TMPRSS15: variants seen among roughly 807,000 people sequenced by gnomAD.
TMPRSS15 encodes the protein transmembrane serine protease 15.
A neutral mutation model predicts 125.3 loss-of-function variants in TMPRSS15; 128 were observed. The ratio of observed to expected loss-of-function variants is 1.02; its 90% confidence interval spans 0.89 to 1.18. TMPRSS15 has a LOEUF of 1.18. TMPRSS15 is among the 50% of genes most tolerant of loss of function. The probability of loss-of-function intolerance (pLI) is 0.00; values close to 1 mark genes in which losing one functional copy is unlikely to be tolerated. For missense variants in TMPRSS15, 1,283 were observed against 1,212.7 expected (o/e 1.06, Z -0.86); for synonymous variants, 446 against 423.2 (o/e 1.05, Z -0.66).
intron 1 of TMPRSS15, among the ~76,000 whole-genome samples, chr21:18,430,192 A>G (rs73325962): frequency 0.021 from 3,138 of 152,302 alleles, 137 homozygotes; most frequent in African/African-American, 0.071. Flanking sequence ...TTAGATGTGT[A>G]TCAATGCTGG....
In TMPRSS15 at chr21:18,305,344, G is replaced by A. The variant is rs377352146; in HGVS notation, c.2166-7515C>T. Among the ~76,000 whole-genome samples the A allele has an allele frequency of 9.2e-3, 1,387 of 151,532 alleles. 17 individuals are homozygous for A. The highest frequency in any genetic ancestry group is 0.029 in the African/African-American group (1,191 of 41,278). On this transcript the variant is annotated intron_variant, in intron 18 of 24. Coordinates refer to ENST00000284885, the MANE Select transcript of TMPRSS15 (RefSeq NM_002772.3). ...GCTGGGACTACAGGCGCCCGCCACC[G>A]CGCCCGGCTAATTTTTTGTATTTTT...
rs1424958466 is a variant in TMPRSS15, at chr21:18,315,252, T to C, written c.1926A>G (p.Pro642=). Residue 642 remains proline (P), a synonymous_variant, in exon 17 of 25, where the codon CCA becomes CCG. Coordinates refer to ENST00000284885, the MANE Select transcript of TMPRSS15 (RefSeq NM_002772.3). ...TACATTGAAAATGGTCTGCCTTGCATGGCTCTATGGGGAAAGAATGTTTAT... is the reference window on the plus strand; with the variant it reads ...TACATTGAAAATGGTCTGCCTTGCACGGCTCTATGGGGAAAGAATGTTTAT... ...TTGYHLGIPE[P]CKADHFQCKN... is the part of the protein sequence containing the mutation. 2 of 1,610,776 alleles carry C rather than the reference T, an allele frequency of 1.2e-6. No homozygotes were observed. Among genetic ancestry groups the C allele is most frequent in the Non-Finnish European group, 1.7e-6 (2 of 1,177,576 alleles).
intron 16 of TMPRSS15, among the ~76,000 whole-genome samples, chr21:18,317,074 A>G (rs1018809932): frequency 5.9e-5 from 9 of 152,238 alleles, no homozygotes; most frequent in Non-Finnish European, 1.3e-4. Context: ...ATTAGTCAAT[A>G]TAATAACATT....
chr21:18,388,289 A>G (rs1011893898), intron 3 of TMPRSS15, among the ~76,000 whole-genome samples: 2 of 152,182 alleles, frequency 1.3e-5, no homozygotes, highest in African/African-American at 4.8e-5. Flanking sequence ...CTAGGTAGCT[A>G]TAAAGGAGGG....
intron 1 of TMPRSS15, among the ~76,000 whole-genome samples, chr21:18,442,911 T>C (rs1055941308): frequency 6.6e-6 from 1 of 152,196 alleles, no homozygotes; most frequent in African/African-American, 2.4e-5. Context: ...GTACCATACA[T>C]AGAGTTAATC....
At position 18,275,225 on chromosome 21, in the gene TMPRSS15, T is replaced by G; in HGVS notation, c.2876A>C (p.Tyr959Ser). The G allele has an allele frequency of 2.5e-6, 4 of 1,614,094 alleles. No homozygotes were observed. The highest frequency in any genetic ancestry group is 3.4e-6 in the Non-Finnish European group (4 of 1,179,976). The stretch of plus-strand genomic sequence containing the variant: ...ACAAGAATCTATTCCTCCTTCTTCA[T>G]AGCCTGCACATATCATATTTTCAGT... ...NITENMICAG[Y>S]EEGGIDSCQG... The change falls in exon 24 of 25, where the codon TAT (tyrosine) becomes TCT (serine). Residue 959 changes from tyrosine to serine, a missense_variant. Transcript: ENST00000284885.
In TMPRSS15 at chr21:18,294,364, A is replaced by T; in HGVS notation, c.2392T>A (p.Trp798Arg). ...GSNAKEGAWPWVVGLYYGGRL... is the reference protein window; with the variant it reads ...GSNAKEGAWPRVVGLYYGGRL... ...CCGCCATAATACAGACCCACAACCC[A>T]GGGCCAGGCCCCTTCTTTGGCATTA... The change falls in exon 21 of 25, where the codon TGG (tryptophan) becomes AGG (arginine). Residue 798 changes from tryptophan (W) to arginine (R), a missense_variant. Physicochemically the swap from Trp to Arg is moderately radical, Grantham distance 101. Transcript: ENST00000284885. The T allele has an allele frequency of 6.2e-7, 1 of 1,614,246 alleles. No homozygotes were observed. The highest frequency in any genetic ancestry group is 8.5e-7 in the Non-Finnish European group (1 of 1,180,046).
At chr21:18,340,215 C>T (rs796678518) in intron 13 of TMPRSS15, among the ~76,000 whole-genome samples, 4 of 152,308 alleles carry the variant, frequency 2.6e-5, no homozygotes, top group African/African-American at 9.6e-5. Context: ...GCTGCCAGCA[C>T]AGCTAGAATA....
intron 1 of TMPRSS15, among the ~76,000 whole-genome samples, chr21:18,470,287 T>A (rs1978751204): frequency 6.6e-6 from 1 of 151,680 alleles, no homozygotes; most frequent in African/African-American, 2.4e-5. Flanking sequence ...TCCATGTACT[T>A]GACCCTCCTA....
At chr21:18,390,970 G>A (rs1482856566) in intron 3 of TMPRSS15, among the ~76,000 whole-genome samples, 1 of 152,114 alleles carries the variant, frequency 6.6e-6, no homozygotes, top group African/African-American at 2.4e-5. Context: ...GTGTGAAGGG[G>A]GAAGAAGCCC....
At chr21:18,466,940 C>T (rs895130035) in intron 1 of TMPRSS15, among the ~76,000 whole-genome samples, 3 of 152,116 alleles carry the variant, frequency 2.0e-5, no homozygotes, top group African/African-American at 7.2e-5. Flanking sequence ...AATCATTCTA[C>T]TATAAAGACA....
chr21:18,447,319 A>T (rs1186835644), intron 1 of TMPRSS15, among the ~76,000 whole-genome samples: 1 of 151,642 alleles, frequency 6.6e-6, no homozygotes, highest in African/African-American at 2.4e-5. Flanking sequence ...GGGTGCCTAT[A>T]ACCTCAGCTA....
Position 18,323,483 on chromosome 21 carries a change from T to A in TMPRSS15, c.1921+2949A>T, listed in dbSNP as rs7282954. Among the ~76,000 whole-genome samples, 307 of 151,876 alleles carry A rather than the reference T, an allele frequency of 2.0e-3. 1 individual carries two copies. Among genetic ancestry groups the A allele is most frequent in the African/African-American group, 7.1e-3 (293 of 41,404 alleles). ...CAGCACAGGAAAAACCCACCCCCAT[T>A]ACTCAATTACCTCCCACCAGGTCCC... On this transcript the variant is annotated intron_variant, in intron 16 of 24. Transcript: ENST00000284885.
At chr21:18,368,843 T>C (rs1193841325) in intron 6 of TMPRSS15, among the ~76,000 whole-genome samples, 1 of 152,188 alleles carries the variant, frequency 6.6e-6, no homozygotes, top group East Asian at 1.9e-4. Context: ...GAAGTATTTC[T>C]AATAGCAACG....
chr21:18,285,117 G>T (rs2074747356), intron 21 of TMPRSS15, among the ~76,000 whole-genome samples: 1 of 152,200 alleles, frequency 6.6e-6, no homozygotes, highest in Non-Finnish European at 1.5e-5. Context: ...ACAGCAGGTT[G>T]GAGAGGGCAG....
intron 1 of TMPRSS15, among the ~76,000 whole-genome samples, chr21:18,463,283 G>A (rs960298574): frequency 1.4e-5 from 2 of 144,076 alleles, no homozygotes; most frequent in Non-Finnish European, 3.1e-5. Context: ...AAAAAGCCGG[G>A]GGTGGGGAGG....
chr21:18,435,718 C>T (rs1250400596), intron 1 of TMPRSS15, among the ~76,000 whole-genome samples: 9 of 152,132 alleles, frequency 5.9e-5, no homozygotes, highest in African/African-American at 2.2e-4. Context: ...ACCAGTTCCT[C>T]CTTGTACCTC....
chr21:18,433,966 G>A (rs974702428), intron 1 of TMPRSS15, among the ~76,000 whole-genome samples: 9 of 152,122 alleles, frequency 5.9e-5, no homozygotes, highest in African/African-American at 2.2e-4. Flanking sequence ...TACTTACTCT[G>A]AAAAGCCATT....
chr21:18,439,726 A>T (rs1298690385), intron 1 of TMPRSS15, among the ~76,000 whole-genome samples: 2 of 152,172 alleles, frequency 1.3e-5, no homozygotes, highest in Non-Finnish European at 2.9e-5. Context: ...GGATTTATGG[A>T]TGGAAAAAAA....
Sources: allele counts gnomAD v4.1 joint callset (sites outside exome capture counted in the v4.1 genomes callset), GRCh38; gene constraint gnomAD v4.1.1; transcripts MANE v1.5; gene names NCBI Gene and HGNC (gene_info 2026-07-23, HGNC 2026-07-21).